The following WDR59 variants were observed in gnomAD, a reference collection of about 807,000 sequenced individuals.
The protein encoded by WDR59 is WD repeat domain 59.
In WDR59, 100 loss-of-function variants were observed where a neutral mutation model predicts 131.2. The observed-to-expected ratio is 0.76, with a 90% confidence interval of 0.65 to 0.90. The LOEUF (loss-of-function observed/expected upper bound fraction) is 0.90, where lower values mean the gene tolerates loss of function less well. Among genes scored for constraint, WDR59 ranks in the 40% least tolerant of loss-of-function variants. The pLI is 0.00. For missense variants in WDR59, 1,203 were observed against 1,262.2 expected, an observed-to-expected ratio of 0.95 and a Z score of 0.71; for synonymous variants, 601 against 466.2, an observed-to-expected ratio of 1.29 and a Z score of -3.72.
intron 12 of WDR59, 34 bp downstream of exon 12, chr16:74,916,093 G>A: frequency 6.2e-7 from 1 of 1,614,150 alleles, no homozygotes; most frequent in South Asian, 1.1e-5. Context: ...GCGTAGAGTG[G>A]CACCTTACCT....
chr16:74,972,471 G>C (rs2034020661), intron 1 of WDR59, among the ~76,000 whole-genome samples: 1 of 152,028 alleles, frequency 6.6e-6, no homozygotes, highest in Non-Finnish European at 1.5e-5. Context: ...CTTTCTCCAG[G>C]CATAAAATGG....
At chr16:74,880,496 C>G (rs1052360997) in intron 25 of WDR59, among the ~76,000 whole-genome samples, 9 of 151,966 alleles carry the variant, frequency 5.9e-5, no homozygotes, top group African/African-American at 1.9e-4. Flanking sequence ...GTATGATAAG[C>G]CATTATGAAG....
At chr16:74,896,122 C>T (rs575633898) in intron 18 of WDR59, among the ~76,000 whole-genome samples, 2 of 152,220 alleles carry the variant, frequency 1.3e-5, no homozygotes, top group South Asian at 4.1e-4. Context: ...AAAGATTCCA[C>T]CTAGAATGGA....
intron 1 of WDR59, among the ~76,000 whole-genome samples, chr16:74,977,933 G>T (rs1368375269): frequency 6.6e-6 from 1 of 152,096 alleles, no homozygotes; most frequent in Admixed American, 6.6e-5. Context: ...CGCCAGGTAG[G>T]GTGGTGGCTC....
intron 13 of WDR59, among the ~76,000 whole-genome samples, chr16:74,914,492 G>C (rs957414142): frequency 6.6e-6 from 1 of 152,132 alleles, no homozygotes; most frequent in African/African-American, 2.4e-5. Flanking sequence ...GGATTCACAT[G>C]TTGTTTCTTC....
chr16:74,958,644 A>C (rs1353983362), intron 2 of WDR59, among the ~76,000 whole-genome samples: 1 of 148,336 alleles, frequency 6.7e-6, no homozygotes, highest in Non-Finnish European at 1.5e-5. Flanking sequence ...GCCAAAGTAC[A>C]TGGAGAGAGA....
intron 18 of WDR59, chr16:74,899,623 C>T (rs1417302393): frequency 3.4e-6 from 4 of 1,191,174 alleles, no homozygotes; most frequent in Admixed American, 4.8e-5. Context: ...CAAAGCCAGG[C>T]AGGTGGCATT....
intron 8 of WDR59, among the ~76,000 whole-genome samples, chr16:74,936,112 T>C (rs1269985660): frequency 6.6e-6 from 1 of 152,056 alleles, no homozygotes; most frequent in Non-Finnish European, 1.5e-5. Flanking sequence ...AGAGAAGACT[T>C]TGTATGGGGA....
At chr16:74,936,234 A>T (rs888235968) in intron 8 of WDR59, among the ~76,000 whole-genome samples, 15 of 152,086 alleles carry the variant, frequency 9.9e-5, no homozygotes, top group African/African-American at 3.4e-4. Flanking sequence ...GTTTCCTAGG[A>T]CATCAACCCT....
chr16:74,949,483 C>T (rs918723492), intron 5 of WDR59, among the ~76,000 whole-genome samples: 3 of 150,652 alleles, frequency 2.0e-5, no homozygotes, highest in African/African-American at 4.9e-5. Context: ...GGAGGACAGA[C>T]TCTAACTAGG....
intron 8 of WDR59, among the ~76,000 whole-genome samples, chr16:74,936,796 G>A (rs1242056652): frequency 1.3e-5 from 2 of 152,052 alleles, no homozygotes; most frequent in African/African-American, 4.8e-5. Flanking sequence ...CTGCACTCCA[G>A]CCTGGGTGAC....
At chr16:74,888,980 T>C (rs763976084) in intron 21 of WDR59, among the ~76,000 whole-genome samples, 4 of 152,234 alleles carry the variant, frequency 2.6e-5, no homozygotes, top group Non-Finnish European at 4.4e-5. Flanking sequence ...CAATGTCTAA[T>C]ATTTGTGTTT....
Position 74,947,333 on chromosome 16 carries a change from G to A in WDR59, c.445+1186C>T, listed in dbSNP as rs187394012. Among the ~76,000 whole-genome samples the A allele has an allele frequency of 2.7e-3, 406 of 151,488 alleles. 4 individuals are homozygous for A. Among genetic ancestry groups the A allele is most frequent in the Middle Eastern group, 0.017 (5 of 294 alleles). ...CATGGTGGCACATGCCTGTAGTCCC[G>A]CCATTGCACTCCAGCCTGGGCAACA... On this transcript the variant is annotated intron_variant, in intron 6 of 25. Transcript: ENST00000262144.
chr16:74,873,376 A>G lies in WDR59; in HGVS notation c.*833T>C, dbSNP rs977540536. On this transcript the variant is annotated 3_prime_UTR_variant, in exon 26 of 26. Coordinates refer to ENST00000262144, the MANE Select transcript of WDR59 (RefSeq NM_030581.4). The stretch of plus-strand genomic sequence containing the variant: ...ACTTTTCTATCCATGCTGCACGGCA[A>G]TCTTGTCCTCCTTTTGCTAGAAGAA... 6.6e-6 allele frequency: 1 copy of G among 152,204 alleles called. No individual in the cohort carries two copies. The highest frequency in any genetic ancestry group is 2.4e-5 in the African/African-American group (1 of 41,444). 9.4% of individuals were successfully genotyped at this position (152,204 alleles called of 1,614,324 possible). A position where few individuals can be genotyped will look rare whatever the true frequency, so the allele number is the denominator to read the frequency against.
At chr16:74,915,096 C>T (rs1435013717) in intron 13 of WDR59, among the ~76,000 whole-genome samples, 1 of 152,228 alleles carries the variant, frequency 6.6e-6, no homozygotes, top group Non-Finnish European at 1.5e-5. Flanking sequence ...TACTGTGAAT[C>T]TAAATTACCA....
chr16:74,922,062 C>T lies in WDR59; in HGVS notation c.771G>A (p.Leu257=). 1 of 1,614,232 alleles carries T rather than the reference C, an allele frequency of 6.2e-7. No homozygotes were observed. The highest frequency in any genetic ancestry group is 8.5e-7 in the Non-Finnish European group (1 of 1,180,036). The stretch of plus-strand genomic sequence containing the variant: ...ACAGGAGAAGGCTGTTTTCCCTCCG[C>T]AGCTGGGGAACCATCACAGTCACCA... The part of the protein sequence containing the change: ...NGLVTVMVPQ[L]RRENSLLLWN... Residue 257 remains leucine (L), a synonymous_variant, in exon 10 of 26, where the codon CTG becomes CTA. Coordinates refer to ENST00000262144, the MANE Select transcript of WDR59 (RefSeq NM_030581.4).
intron 8 of WDR59, among the ~76,000 whole-genome samples, chr16:74,934,362 A>G (rs554239388): frequency 6.6e-6 from 1 of 152,276 alleles, no homozygotes; most frequent in East Asian, 1.9e-4. Context: ...TATGTTCACC[A>G]ACTGGTGACA....
chr16:74,922,043 G>C lies in WDR59; in HGVS notation c.790C>G (p.Leu264Val). The C allele has an allele frequency of 2.5e-6, 4 of 1,614,226 alleles. No individual in the cohort carries two copies. Among genetic ancestry groups the C allele is most frequent in the Non-Finnish European group, 3.4e-6 (4 of 1,180,040 alleles). Residue 264 changes from leucine (L) to valine (V), a missense_variant, in exon 10 of 26, where the codon CTC (leucine) becomes GTC (valine). Coordinates refer to ENST00000262144, the MANE Select transcript of WDR59 (RefSeq NM_030581.4). ...TTCAAGTCAAAGACATTCCACAGGA[G>C]AAGGCTGTTTTCCCTCCGCAGCTGG... ...VPQLRRENSLLLWNVFDLNTP... is the reference protein window; with the variant it reads ...VPQLRRENSLVLWNVFDLNTP...
At chr16:74,946,358 C>T (rs946165130) in intron 6 of WDR59, among the ~76,000 whole-genome samples, 1 of 152,128 alleles carries the variant, frequency 6.6e-6, no homozygotes, top group East Asian at 1.9e-4. Flanking sequence ...TATTAAGTAT[C>T]TCCTTGGATC....
Sources: gnomAD v4.1 joint callset for allele counts (sites outside exome capture counted in the v4.1 genomes callset) on GRCh38, gnomAD v4.1.1 for gene constraint, MANE v1.5 for transcripts, NCBI Gene and HGNC (gene_info 2026-07-23, HGNC 2026-07-21) for gene names.